Variants in RABGEF1 observed in about 807,000 individuals in gnomAD.
RABGEF1 encodes the protein RAB guanine nucleotide exchange factor 1.
A neutral mutation model predicts 57.3 loss-of-function variants in RABGEF1; 26 were observed. The observed-to-expected ratio is 0.45, with a 90% CI of 0.33 to 0.63. RABGEF1 has a LOEUF of 0.63. Among genes scored for constraint, RABGEF1 ranks in the 20% least tolerant of loss-of-function variants. The pLI, the probability that RABGEF1 is intolerant of heterozygous loss-of-function variation, is 0.02. For synonymous variants in RABGEF1, 185 were observed against 210.7 expected, an observed-to-expected ratio of 0.88 and a Z score of 1.06; for missense variants, 464 against 607.6, an observed-to-expected ratio of 0.76 and a Z score of 2.48.
chr7:66,795,617 T>TTG (rs779438863), intron 5 of RABGEF1, 25 bp downstream of exon 5: 114 of 1,549,462 alleles, frequency 7.4e-5, no homozygotes, highest in Non-Finnish European at 9.8e-5. Flanking sequence ...CATTGAGAGA[T>TTG]TGCGGGTATT....
the RABGEF1 span, chr7:66,666,190 G>T: frequency 1.3e-5 from 2 of 152,478 alleles, no homozygotes; most frequent in African/African-American, 2.4e-5. Flanking sequence ...GGATGAAGGA[G>T]CCTCCTCTGC....
chr7:66,751,905 C>CA (rs1428402228), intron 1 of RABGEF1, among the ~76,000 whole-genome samples: 1 of 152,102 alleles, frequency 6.6e-6, no homozygotes, highest in African/African-American at 2.4e-5. Context: ...TCCCAAAAGT[C>CA]AAAATCTTAG....
At chr7:66,800,196 T>G (rs1786968894) in intron 7 of RABGEF1, among the ~76,000 whole-genome samples, 1 of 152,154 alleles carries the variant, frequency 6.6e-6, no homozygotes. Context: ...TCGAGTAGGC[T>G]CCTTTTGTTA....
chr7:66,751,032 CTTTTTTT>C (rs765625657), intron 1 of RABGEF1, among the ~76,000 whole-genome samples: 30 of 142,892 alleles, frequency 2.1e-4, no homozygotes, highest in African/African-American at 7.7e-4. Flanking sequence ...CTCTTTTTTT[CTTTTTTT>C]TTTTTTTGAG....
chr7:66,764,838 G>A (rs1011199836), intron 1 of RABGEF1, among the ~76,000 whole-genome samples: 4 of 152,198 alleles, frequency 2.6e-5, no homozygotes, highest in African/African-American at 4.8e-5. Flanking sequence ...CCTTGTGCCA[G>A]TACCGCGCTG....
upstream of RABGEF1, chr7:66,740,648 C>G (rs1179036434): frequency 3.9e-5 from 6 of 152,892 alleles, no homozygotes; most frequent in Admixed American, 3.9e-4. Flanking sequence ...CGTTTACGCG[C>G]CGCGCGTAAC....
intron 2 of RABGEF1, among the ~76,000 whole-genome samples, chr7:66,715,481 C>T (rs181492304): frequency 4.6e-5 from 7 of 152,210 alleles, no homozygotes; most frequent in Admixed American, 2.0e-4. Flanking sequence ...TTTAATTTGG[C>T]GGCATCGTGT....
At chr7:66,743,891 A>G (rs1271096642) in intron 1 of RABGEF1, among the ~76,000 whole-genome samples, 1 of 152,096 alleles carries the variant, frequency 6.6e-6, no homozygotes, top group East Asian at 1.9e-4. Context: ...TCGGCCTCCC[A>G]AAGTGTTGGG....
chr7:66,731,378 G>A (rs1797290717), intron 2 of RABGEF1, among the ~76,000 whole-genome samples: 3 of 152,254 alleles, frequency 2.0e-5, no homozygotes, highest in South Asian at 2.1e-4. Context: ...AGAAGGCACC[G>A]TGTGGGGTTG....
chr7:66,702,467 A>C lies in RABGEF1; in HGVS notation c.-872-9700A>C, dbSNP rs559321255. On this transcript the variant is annotated intron_variant and NMD_transcript_variant, in intron 1 of 9. Transcript: ENST00000607882. ...CCTTCATCTACAAGTTTTTGTGTGA[A>C]CTCATGTTTTCAGTTCTCTTGGGTA... 9.3e-5 allele frequency among the ~76,000 whole-genome samples: 14 copies of C among 150,674 alleles called. No individual in the cohort carries two copies. In the South Asian group the frequency reaches 2.9e-3, roughly 32 times the overall value.
intron 3 of RABGEF1, among the ~76,000 whole-genome samples, chr7:66,782,145 C>T (rs1810067237): frequency 6.6e-6 from 1 of 152,090 alleles, no homozygotes; most frequent in African/African-American, 2.4e-5. Context: ...TTTGGTTTTC[C>T]ATTGAGATAA....
At chr7:66,705,479 GAGAGAGAGGA>G (rs1793918059) in intron 1 of RABGEF1, among the ~76,000 whole-genome samples, 4 of 146,476 alleles carry the variant, frequency 2.7e-5, no homozygotes, top group African/African-American at 1.0e-4. Flanking sequence ...GAGAGAGAGA[GAGAGAGAGGA>G]GGGGGGAGGG....
chr7:66,790,464 T>G (rs3778908), intron 4 of RABGEF1, among the ~76,000 whole-genome samples: 15,786 of 152,174 alleles, frequency 0.1, 895 homozygotes, highest in Non-Finnish European at 0.11. Flanking sequence ...TACAGGAAGA[T>G]CTAGCATGAG....
At chr7:66,748,313 T>C (rs1340658215) in intron 1 of RABGEF1, among the ~76,000 whole-genome samples, 1 of 152,212 alleles carries the variant, frequency 6.6e-6, no homozygotes, top group Non-Finnish European at 1.5e-5. Flanking sequence ...AGGATCTGTT[T>C]TAGATTATCT....
At chr7:66,708,676 A>G (rs1294226154) in intron 1 of RABGEF1, among the ~76,000 whole-genome samples, 1 of 152,044 alleles carries the variant, frequency 6.6e-6, no homozygotes, top group African/African-American at 2.4e-5. Flanking sequence ...TCCAGGCATG[A>G]TGGCACACGC....
chr7:66,744,931 G>T (rs1799853404), intron 1 of RABGEF1, among the ~76,000 whole-genome samples: 3 of 151,960 alleles, frequency 2.0e-5, no homozygotes, highest in Admixed American at 1.3e-4. Flanking sequence ...GGTGGCTCAC[G>T]CCTGTAATCC....
chr7:66,747,848 A>G (rs1277898714), intron 1 of RABGEF1, among the ~76,000 whole-genome samples: 1 of 152,164 alleles, frequency 6.6e-6, no homozygotes, highest in Non-Finnish European at 1.5e-5. Flanking sequence ...ATTATTCCAC[A>G]TCTTGTTCCA....
At chr7:66,765,292 A>G (rs924341887) in intron 1 of RABGEF1, among the ~76,000 whole-genome samples, 7 of 152,086 alleles carry the variant, frequency 4.6e-5, no homozygotes, top group Non-Finnish European at 7.3e-5. Flanking sequence ...CTGTGATTTC[A>G]TGGTCCACAC....
the RABGEF1 span, among the ~76,000 whole-genome samples, chr7:66,671,719 G>A: frequency 6.6e-6 from 1 of 152,074 alleles, no homozygotes; most frequent in African/African-American, 2.4e-5. Context: ...CTACTTGTGA[G>A]GCTGAGGTGG....
Sources: allele counts gnomAD v4.1 joint callset (sites outside exome capture counted in the v4.1 genomes callset), GRCh38; gene constraint gnomAD v4.1.1; transcripts MANE v1.5; gene names NCBI Gene and HGNC (gene_info 2026-07-23, HGNC 2026-07-21).